PSMA5: variants seen among roughly 807,000 people sequenced by gnomAD.
PSMA5 encodes proteasome 20S subunit alpha 5.
Under a neutral mutation model 34.5 loss-of-function variants are expected in PSMA5, and 3 were observed. That is an observed-to-expected ratio of 0.09 (90% CI 0.04 to 0.22). PSMA5 has a LOEUF of 0.22. Among genes scored for constraint, PSMA5 ranks in the 10% least tolerant of loss-of-function variants. PSMA5 has a pLI of 1.00. For missense variants in PSMA5, 120 were observed against 286.1 expected (o/e 0.42, Z 4.19); for synonymous variants, 88 against 95.8 (o/e 0.92, Z 0.47).
intron 8 of PSMA5, among the ~76,000 whole-genome samples, chr1:109,406,133 A>G (rs1287533493): frequency 6.6e-6 from 1 of 152,232 alleles, no homozygotes; most frequent in Non-Finnish European, 1.5e-5. Flanking sequence ...TCTGAGGTGA[A>G]TCCTTCAAAA....
chr1:109,419,416 C>T (rs1404123436), intron 2 of PSMA5, among the ~76,000 whole-genome samples: 6 of 152,134 alleles, frequency 3.9e-5, no homozygotes, highest in Admixed American at 3.9e-4. Context: ...ACCTGTAATT[C>T]CAACACTTTG....
chr1:109,419,701 A>G (rs1178151427), intron 2 of PSMA5, among the ~76,000 whole-genome samples: 2 of 149,502 alleles, frequency 1.3e-5, no homozygotes, highest in African/African-American at 5.0e-5. Flanking sequence ...CAGGAGGCTG[A>G]GGCAGGAGAA....
At chr1:109,425,632 G>A (rs1189029679) in intron 1 of PSMA5, 1 of 152,126 alleles carries the variant, frequency 6.6e-6, no homozygotes, top group East Asian at 1.9e-4. Context: ...GAAACTGAAA[G>A]TAAAAATGTC....
intron 2 of PSMA5, among the ~76,000 whole-genome samples, chr1:109,419,375 TA>T (rs749567778): frequency 2.6e-5 from 4 of 151,998 alleles, no homozygotes; most frequent in Non-Finnish European, 4.4e-5. Context: ...AAGATTTCAT[TA>T]AGAATCCTTA....
chr1:109,408,202 A>G (rs1163887426), intron 8 of PSMA5, among the ~76,000 whole-genome samples: 1 of 152,122 alleles, frequency 6.6e-6, no homozygotes. Context: ...ATACCTCTCC[A>G]GTCTCATCCC....
rs1386077181 is a variant in PSMA5 at position 109,400,202 on chromosome 1, T to C, written c.*1811A>G. ...ACGGACATAGGCTAAGAGCTACTCCTTAGTATTTGGGCATTTTTCCCCCTA... is the reference window on the plus strand; with the variant it reads ...ACGGACATAGGCTAAGAGCTACTCCCTAGTATTTGGGCATTTTTCCCCCTA... On this transcript the variant is annotated 3_prime_UTR_variant, in exon 9 of 9. Transcript: ENST00000271308. The C allele has an allele frequency of 6.6e-6, 1 of 152,180 alleles. No individual in the cohort carries two copies. Among genetic ancestry groups the C allele is most frequent in the Non-Finnish European group, 1.5e-5 (1 of 68,036 alleles). 9.4% of individuals were successfully genotyped at this position (152,180 alleles called of 1,614,324 possible). A position where few individuals can be genotyped will look rare whatever the true frequency, so the allele number is the denominator to read the frequency against.
In PSMA5 at chr1:109,401,140, A is replaced by G. The variant is rs994818252; in HGVS notation, c.*873T>C. 2.6e-5 allele frequency: 4 copies of G among 152,224 alleles called. No homozygotes were observed. 9.4% of individuals were successfully genotyped at this position (152,224 alleles called of 1,614,324 possible). A position where few individuals can be genotyped will look rare whatever the true frequency, so the allele number is the denominator to read the frequency against. ...TCATATGATGGCAGCTCTAATGGGG[A>G]AAGTTCATCATTCATTCCAAAGTCT... On this transcript the variant is annotated 3_prime_UTR_variant, in exon 9 of 9. Transcript: ENST00000271308.
At chr1:109,419,857 C>G (rs1201895692) in intron 2 of PSMA5, among the ~76,000 whole-genome samples, 1 of 150,594 alleles carries the variant, frequency 6.6e-6, no homozygotes, top group East Asian at 1.9e-4. Flanking sequence ...AGCTGTAGTC[C>G]CGGCTACTTT....
chr1:109,418,991 C>G (rs1240669909), intron 2 of PSMA5, among the ~76,000 whole-genome samples: 1 of 152,022 alleles, frequency 6.6e-6, no homozygotes, highest in African/African-American at 2.4e-5. Context: ...CCCGTCTCTA[C>G]TAAAAATGCA....
intron 2 of PSMA5, among the ~76,000 whole-genome samples, chr1:109,417,456 G>GT (rs562232776): frequency 6.6e-6 from 1 of 152,192 alleles, no homozygotes; most frequent in Non-Finnish European, 1.5e-5. Flanking sequence ...GTGGTTCAAT[G>GT]TTTAAGAAAC....
At chr1:109,424,912 A>G (rs571840279) in intron 1 of PSMA5, among the ~76,000 whole-genome samples, 2 of 152,124 alleles carry the variant, frequency 1.3e-5, no homozygotes, top group Non-Finnish European at 2.9e-5. Context: ...GCTTGAACCC[A>G]GGAGGCGGAG....
rs1553205414 is a variant in PSMA5 at position 109,419,818 on chromosome 1, A to AAC, written c.96+2041_96+2042insGT. The stretch of plus-strand genomic sequence containing the variant: ...CGTCTCAAAAAAAAAAAAAAAAAAA[A>AAC]AAAAAACAAGCCGCGCATGGTTGTG... On this transcript the variant is annotated intron_variant, in intron 2 of 8. Coordinates refer to ENST00000271308, the MANE Select transcript of PSMA5 (RefSeq NM_002790.4). 3.3e-4 allele frequency among the ~76,000 whole-genome samples: 48 copies of AAC among 143,602 alleles called. 1 individual carries two copies. The highest frequency in any genetic ancestry group is 1.1e-3 in the African/African-American group (42 of 38,482). 94.2% of individuals were successfully genotyped at this position (143,602 alleles called of 152,430 possible). A position where few individuals can be genotyped will look rare whatever the true frequency, so the allele number is the denominator to read the frequency against.
At chr1:109,409,557 C>T (rs1256157370) in intron 8 of PSMA5, among the ~76,000 whole-genome samples, 1 of 152,160 alleles carries the variant, frequency 6.6e-6, no homozygotes, top group Non-Finnish European at 1.5e-5. Flanking sequence ...ACTAAACATA[C>T]AAAAATGTCA....
intron 2 of PSMA5, among the ~76,000 whole-genome samples, chr1:109,419,672 G>A (rs1312012559): frequency 1.3e-5 from 2 of 151,726 alleles, no homozygotes; most frequent in South Asian, 2.1e-4. Context: ...GGTGGCACGC[G>A]CCTGTAATCC....
In PSMA5 at chr1:109,410,914, TCAAAA is replaced by T. The variant is rs1653960300; in HGVS notation, c.561+92_561+96del. ...TGTTATTTATCTTGTTTTGCAATTG[TCAAAA>T]CAGAACTGAACTCTTAAGGTTTGCA... On this transcript the variant is annotated intron_variant, in intron 7 of 8. Coordinates refer to ENST00000271308, the MANE Select transcript of PSMA5 (RefSeq NM_002790.4). The T allele has an allele frequency of 7.7e-6, 7 of 911,990 alleles. No individual in the cohort carries two copies. The Admixed American group carries it at 1.7e-4, about 22-fold the overall frequency. The allele number at this position is 911,990 out of a possible 1,614,324, so 56.5% of individuals were successfully genotyped here.
intron 2 of PSMA5, among the ~76,000 whole-genome samples, chr1:109,415,755 T>A (rs541511995): frequency 2.0e-5 from 3 of 152,268 alleles, no homozygotes; most frequent in African/African-American, 7.2e-5. Flanking sequence ...CTAAACATAG[T>A]GGGCAAGAAA....
chr1:109,408,453 A>G (rs1475784399), intron 8 of PSMA5, among the ~76,000 whole-genome samples: 1 of 152,198 alleles, frequency 6.6e-6, no homozygotes, highest in Non-Finnish European at 1.5e-5. Context: ...TTATAGAAGT[A>G]TCACCCCAGG....
In PSMA5 at chr1:109,399,109, C is replaced by T. The variant is rs1653390783; in HGVS notation, c.*2904G>A. 1 of 152,188 alleles carries T rather than the reference C, an allele frequency of 6.6e-6. No homozygotes were observed. The highest frequency in any genetic ancestry group is 2.1e-4 in the South Asian group (1 of 4,832). 9.4% of individuals were successfully genotyped at this position (152,188 alleles called of 1,614,324 possible). A position where few individuals can be genotyped will look rare whatever the true frequency, so the allele number is the denominator to read the frequency against. Reference sequence around the variant, plus strand: ...AAATGAGGATATAGTCATTGTAGAGCAAAATGATACAATGCACCCAACCCG... The same window carrying T: ...AAATGAGGATATAGTCATTGTAGAGTAAAATGATACAATGCACCCAACCCG... On this transcript the variant is annotated 3_prime_UTR_variant, in exon 9 of 9. Transcript: ENST00000271308.
chr1:109,418,660 G>C (rs1391103983), intron 2 of PSMA5, among the ~76,000 whole-genome samples: 1 of 152,078 alleles, frequency 6.6e-6, no homozygotes, highest in Non-Finnish European at 1.5e-5. Context: ...GCCCAGGCTA[G>C]TCTTGAACTC....
Sources: gnomAD v4.1 joint callset for allele counts (sites outside exome capture counted in the v4.1 genomes callset) on GRCh38, gnomAD v4.1.1 for gene constraint, MANE v1.5 for transcripts, NCBI Gene and HGNC (gene_info 2026-07-23, HGNC 2026-07-21) for gene names.